Variants in CNIH4 observed in about 807,000 individuals in gnomAD.
CNIH4 encodes protein cornichon homolog 4.
In CNIH4, 9 loss-of-function variants were observed where a neutral mutation model predicts 21.5. The observed-to-expected ratio is 0.42, with a 90% CI of 0.25 to 0.73. The LOEUF (loss-of-function observed/expected upper bound fraction) is 0.73. Among genes scored for constraint, CNIH4 ranks in the 30% least tolerant of loss-of-function variants. The probability of loss-of-function intolerance (pLI) is 0.27; values close to 1 mark genes in which losing one functional copy is unlikely to be tolerated. For synonymous variants in CNIH4, 67 were observed against 59.1 expected, an observed-to-expected ratio of 1.13 and a Z score of -0.61; for missense variants, 159 against 170.0, an observed-to-expected ratio of 0.94 and a Z score of 0.36.
At position 224,379,186 on chromosome 1, in the gene CNIH4, G is replaced by A. The variant is rs966019763; in HGVS notation, c.*3364G>A. ...CAGGTCCCCTCAGCTGCCTTTTCATGCCTGCCACAGACTACAGTAGGACAA... is the reference window on the plus strand; with the variant it reads ...CAGGTCCCCTCAGCTGCCTTTTCATACCTGCCACAGACTACAGTAGGACAA... On this transcript the variant is annotated 3_prime_UTR_variant, in exon 5 of 5. Coordinates refer to ENST00000465271, the MANE Select transcript of CNIH4 (RefSeq NM_014184.4). The A allele has an allele frequency of 9.3e-6, 12 of 1,287,136 alleles. No homozygotes were observed. In the African/African-American group the frequency reaches 1.0e-4, roughly 11 times the overall value. The allele number at this position is 1,287,136 out of a possible 1,614,324, so 79.7% of individuals were successfully genotyped here. A position where few individuals can be genotyped will look rare whatever the true frequency, so the allele number is the denominator to read the frequency against.
At chr1:224,367,450 T>C (rs139144147) in intron 3 of CNIH4, among the ~76,000 whole-genome samples, 1 of 152,266 alleles carries the variant, frequency 6.6e-6, no homozygotes, top group Non-Finnish European at 1.5e-5. Context: ...GTCTCTTTTC[T>C]AGAGGGTGGG....
intron 3 of CNIH4, among the ~76,000 whole-genome samples, chr1:224,369,200 GC>G (rs1349872031): frequency 6.6e-5 from 10 of 152,236 alleles, no homozygotes; most frequent in Admixed American, 1.3e-4. Context: ...TAGTTATAAC[GC>G]ACTGGAAGTA....
Position 224,376,944 on chromosome 1 carries a change from T to C in CNIH4, c.*1122T>C, listed in dbSNP as rs1672797751. On this transcript the variant is annotated 3_prime_UTR_variant, in exon 5 of 5. Transcript: ENST00000465271. The stretch of plus-strand genomic sequence containing the variant: ...CACTGGCATTTGGGCAAAACATGAC[T>C]GTGTTCTGTGGGAGAATCCAAAGGC... 1 of 979,586 alleles carries C rather than the reference T, an allele frequency of 1.0e-6. No homozygotes were observed. The highest frequency in any genetic ancestry group is 1.2e-6 in the Non-Finnish European group (1 of 824,570). 60.7% of individuals were successfully genotyped at this position (979,586 alleles called of 1,614,324 possible).
Position 224,379,178 on chromosome 1 carries a change from C to A in CNIH4, c.*3356C>A. The A allele has an allele frequency of 1.5e-6, 2 of 1,343,644 alleles. No homozygotes were observed. Among genetic ancestry groups the A allele is most frequent in the Non-Finnish European group, 2.1e-6 (2 of 959,026 alleles). 83.2% of individuals were successfully genotyped at this position (1,343,644 alleles called of 1,614,324 possible). A position where few individuals can be genotyped will look rare whatever the true frequency, so the allele number is the denominator to read the frequency against. On this transcript the variant is annotated 3_prime_UTR_variant, in exon 5 of 5. Coordinates refer to ENST00000465271, the MANE Select transcript of CNIH4 (RefSeq NM_014184.4). ...AAGCCTAGCAGGTCCCCTCAGCTGC[C>A]TTTTCATGCCTGCCACAGACTACAG... is the stretch of plus-strand genomic sequence containing the variant.
intron 2 of CNIH4, among the ~76,000 whole-genome samples, chr1:224,361,466 TC>T (rs1672286822): frequency 6.6e-6 from 1 of 151,988 alleles, no homozygotes; most frequent in Non-Finnish European, 1.5e-5. Context: ...TGCTATGTGA[TC>T]TAGACTGGCT....
At chr1:224,358,710 A>G (rs1381464952) in intron 1 of CNIH4, among the ~76,000 whole-genome samples, 1 of 152,234 alleles carries the variant, frequency 6.6e-6, no homozygotes, top group East Asian at 1.9e-4. Context: ...GCTTATGCTC[A>G]GAAATGTAGC....
intron 1 of CNIH4, among the ~76,000 whole-genome samples, chr1:224,358,086 A>G (rs1334782074): frequency 2.0e-5 from 3 of 152,174 alleles, no homozygotes; most frequent in Non-Finnish European, 4.4e-5. Flanking sequence ...TTCATTTTTC[A>G]TTGTGGACTG....
At chr1:224,364,428 A>G in intron 2 of CNIH4, 1 of 952,064 alleles carries the variant, frequency 1.1e-6, no homozygotes, top group Non-Finnish European at 1.3e-6. Flanking sequence ...ATGTTATTTC[A>G]TCTAATTCTC....
intron 3 of CNIH4, among the ~76,000 whole-genome samples, chr1:224,367,146 T>A (rs1001239200): frequency 1.3e-5 from 2 of 152,210 alleles, no homozygotes; most frequent in African/African-American, 4.8e-5. Flanking sequence ...AGCCTGTAAT[T>A]GTTATATTAG....
intron 1 of CNIH4, among the ~76,000 whole-genome samples, chr1:224,360,197 G>A (rs1202433867): frequency 1.3e-5 from 2 of 151,354 alleles, no homozygotes; most frequent in African/African-American, 2.5e-5. Flanking sequence ...GCTTCCCAAA[G>A]TGCTGGGATA....
chr1:224,365,415 T>C (rs1356315012), intron 2 of CNIH4, among the ~76,000 whole-genome samples: 4 of 152,250 alleles, frequency 2.6e-5, no homozygotes, highest in Non-Finnish European at 5.9e-5. Context: ...TTTTACATTC[T>C]TATTATTTTT....
chr1:224,365,255 A>G (rs905979711), intron 2 of CNIH4, among the ~76,000 whole-genome samples: 3 of 152,234 alleles, frequency 2.0e-5, no homozygotes, highest in Admixed American at 1.3e-4. Flanking sequence ...GAACCCTGCC[A>G]CAAAAGCTGT....
rs534225973 is a variant in CNIH4, at chr1:224,366,074, C to T, written c.251+83C>T. Reference sequence around the variant, plus strand: ...GTGTTTTTTTCAAGACAGGATCTTACTCTGTTACCCAGGCTGGAGTGCAGT... The same window carrying T: ...GTGTTTTTTTCAAGACAGGATCTTATTCTGTTACCCAGGCTGGAGTGCAGT... On this transcript the variant is annotated intron_variant, in intron 3 of 4. Coordinates refer to ENST00000465271, the MANE Select transcript of CNIH4 (RefSeq NM_014184.4). 8.2e-6 allele frequency: 7 copies of T among 857,874 alleles called. No homozygotes were observed. In the African/African-American group the frequency reaches 9.9e-5, roughly 12 times the overall value. 53.1% of individuals were successfully genotyped at this position (857,874 alleles called of 1,614,324 possible). A position where few individuals can be genotyped will look rare whatever the true frequency, so the allele number is the denominator to read the frequency against.
At chr1:224,362,328 C>T (rs754601928) in intron 2 of CNIH4, among the ~76,000 whole-genome samples, 40 of 151,466 alleles carry the variant, frequency 2.6e-4, no homozygotes, top group Non-Finnish European at 3.2e-4. Flanking sequence ...ATGATCTGCC[C>T]GCCTCAGCCT....
chr1:224,358,056 G>A (rs754153320), intron 1 of CNIH4, among the ~76,000 whole-genome samples: 2 of 152,246 alleles, frequency 1.3e-5, no homozygotes, highest in Non-Finnish European at 2.9e-5. Context: ...TAGTCGTACA[G>A]AGTATATGTT....
At chr1:224,373,898 T>A (rs1672708073) in intron 4 of CNIH4, among the ~76,000 whole-genome samples, 3 of 152,182 alleles carry the variant, frequency 2.0e-5, no homozygotes, top group Non-Finnish European at 4.4e-5. Flanking sequence ...GGGGCAGGTT[T>A]AAGATATTGT....
At chr1:224,372,273 G>C (rs903584436) in intron 4 of CNIH4, among the ~76,000 whole-genome samples, 1 of 152,152 alleles carries the variant, frequency 6.6e-6, no homozygotes, top group African/African-American at 2.4e-5. Context: ...AATTATTCCT[G>C]TGTGTTTTAG....
At chr1:224,372,730 G>A (rs1033224103) in intron 4 of CNIH4, among the ~76,000 whole-genome samples, 5 of 151,090 alleles carry the variant, frequency 3.3e-5, no homozygotes, top group African/African-American at 7.3e-5. Flanking sequence ...CTACAGGTGC[G>A]TGCCACCACG....
intron 4 of CNIH4, among the ~76,000 whole-genome samples, chr1:224,371,650 C>T (rs1205217495): frequency 6.6e-6 from 1 of 152,104 alleles, no homozygotes; most frequent in Non-Finnish European, 1.5e-5. Flanking sequence ...TGAGGCTATC[C>T]ACATGCTTAA....
Sources: gnomAD v4.1 joint callset for allele counts (sites outside exome capture counted in the v4.1 genomes callset) on GRCh38, gnomAD v4.1.1 for gene constraint, MANE v1.5 for transcripts, NCBI Gene and HGNC (gene_info 2026-07-23, HGNC 2026-07-21) for gene names.